The following AGBL1 variants were observed in gnomAD, a reference collection of about 807,000 sequenced individuals.
AGBL1 encodes the protein cytosolic carboxypeptidase 4.
A neutral mutation model predicts 118.9 loss-of-function variants in AGBL1; 130 were observed. The ratio of observed to expected loss-of-function variants is 1.09; its 90% confidence interval spans 0.95 to 1.26. The LOEUF (loss-of-function observed/expected upper bound fraction) is 1.26. Among genes scored for constraint, AGBL1 ranks in the 50% most tolerant of loss-of-function variants. The pLI is 0.00. For synonymous variants in AGBL1, 555 were observed against 478.9 expected, an observed-to-expected ratio of 1.16 and a Z score of -2.08; for missense variants, 1,584 against 1,298.1, an observed-to-expected ratio of 1.22 and a Z score of -3.38.
At chr15:86,518,211 T>C (rs2083145476) in intron 18 of AGBL1, among the ~76,000 whole-genome samples, 1 of 152,038 alleles carries the variant, frequency 6.6e-6, no homozygotes, top group Non-Finnish European at 1.5e-5. Flanking sequence ...TCTCTGCTTG[T>C]GGTCCTTTCT....
At chr15:86,112,516 G>A (rs8025746) in intron 1 of AGBL1, among the ~76,000 whole-genome samples, 21,320 of 152,156 alleles carry the variant, frequency 0.14, 1,661 homozygotes, top group East Asian at 0.23. Context: ...GACATTTAGA[G>A]TGTTTTCAAT....
intron 1 of AGBL1, among the ~76,000 whole-genome samples, chr15:86,104,398 C>A (rs753322647): frequency 3.2e-4 from 49 of 152,140 alleles, no homozygotes; most frequent in Non-Finnish European, 5.9e-4. Context: ...ATGCTTTCAC[C>A]CCAGTTGATG....
chr15:86,826,487 G>A (rs2079014287), intron 22 of AGBL1, among the ~76,000 whole-genome samples: 1 of 152,102 alleles, frequency 6.6e-6, no homozygotes, highest in Non-Finnish European at 1.5e-5. Context: ...CTTTCACTAA[G>A]TCAGTGGTCC....
At chr15:86,580,726 C>T (rs919737220) in intron 21 of AGBL1, among the ~76,000 whole-genome samples, 3 of 152,022 alleles carry the variant, frequency 2.0e-5, no homozygotes, top group East Asian at 1.9e-4. Context: ...ATAATCCTCT[C>T]TTACTGCTTT....
chr15:86,973,011 A>G (rs2081126720), intron 23 of AGBL1, among the ~76,000 whole-genome samples: 1 of 151,908 alleles, frequency 6.6e-6, no homozygotes, highest in Non-Finnish European at 1.5e-5. Flanking sequence ...GACAAATTGG[A>G]TTTTTGCAAC....
downstream of AGBL1, among the ~76,000 whole-genome samples, chr15:86,916,401 A>T (rs2080423439): frequency 1.3e-5 from 2 of 152,036 alleles, no homozygotes; most frequent in Admixed American, 1.3e-4. Context: ...GTTCCTATTG[A>T]TGTCCTGGAC....
At chr15:86,784,272 G>T (rs867305766) in intron 22 of AGBL1, among the ~76,000 whole-genome samples, 1 of 152,152 alleles carries the variant, frequency 6.6e-6, no homozygotes. Flanking sequence ...TCCCCACAGA[G>T]GCAACCTACT....
chr15:86,248,564 A>G (rs1326317590), intron 7 of AGBL1, among the ~76,000 whole-genome samples: 1 of 152,162 alleles, frequency 6.6e-6, no homozygotes, highest in Non-Finnish European at 1.5e-5. Flanking sequence ...AACAAAACCT[A>G]GGTTGTTGTG....
chr15:86,519,541 C>T (rs2083160880), intron 18 of AGBL1, among the ~76,000 whole-genome samples: 1 of 152,204 alleles, frequency 6.6e-6, no homozygotes, highest in South Asian at 2.1e-4. Flanking sequence ...ATTCAGAGAT[C>T]AGAAGCAAAT....
chr15:86,541,862 C>T (rs77768212), intron 19 of AGBL1, among the ~76,000 whole-genome samples: 4,398 of 152,134 alleles, frequency 0.029, 205 homozygotes, highest in African/African-American at 0.099. Context: ...CAGCATGATC[C>T]TAGAAGATAA....
intron 23 of AGBL1, among the ~76,000 whole-genome samples, chr15:86,953,220 T>C (rs926276513): frequency 1.3e-5 from 2 of 152,196 alleles, no homozygotes; most frequent in East Asian, 1.9e-4. Flanking sequence ...GGTAGTGTGA[T>C]AGGAACAGTG....
At position 86,944,905 on chromosome 15, in the gene AGBL1, T is replaced by TA. The variant is rs551538967; in HGVS notation, c.3222-43081dup. On this transcript the variant is annotated intron_variant, in intron 23 of 24. Transcript: ENST00000441037. The stretch of plus-strand genomic sequence containing the variant: ...GGGAAAAGGGTTTTCTCTAAATACT[T>TA]ACAGTAGGACAACGGCTGTAAACTG... Among the ~76,000 whole-genome samples, 61 of 152,306 alleles carry TA rather than the reference T, an allele frequency of 4.0e-4. No homozygotes were observed. In the East Asian group the frequency reaches 0.011, roughly 27 times the overall value.
intron 24 of AGBL1, among the ~76,000 whole-genome samples, chr15:86,995,858 T>C (rs962252892): frequency 6.6e-6 from 1 of 152,206 alleles, no homozygotes; most frequent in African/African-American, 2.4e-5. Flanking sequence ...TCTGCATTGA[T>C]CAGTCTTTGC....
At chr15:86,291,133 A>G (rs959253899) in intron 16 of AGBL1, among the ~76,000 whole-genome samples, 4 of 152,076 alleles carry the variant, frequency 2.6e-5, no homozygotes, top group African/African-American at 9.7e-5. Flanking sequence ...CCAAGTCCTT[A>G]TTTTCAATAA....
intron 17 of AGBL1, among the ~76,000 whole-genome samples, chr15:86,392,737 A>G (rs537350209): frequency 6.6e-6 from 1 of 152,324 alleles, no homozygotes; most frequent in African/African-American, 2.4e-5. Flanking sequence ...AGATGTCATT[A>G]CCACTATAAA....
At chr15:86,692,331 C>A (rs1330208326) in intron 22 of AGBL1, among the ~76,000 whole-genome samples, 1 of 152,048 alleles carries the variant, frequency 6.6e-6, no homozygotes, top group African/African-American at 2.4e-5. Flanking sequence ...CTTTACAAAG[C>A]AAGATCAGGG....
rs749462151 is a variant in AGBL1 at position 86,264,450 on chromosome 15, C to G, written c.1279C>G (p.His427Asp). ...CRVKTGRSTV[H>D]LGSKKNPGVN... is the part of the protein sequence containing the mutation. ...GGTGAAGACGGGAAGGTCCACTGTGCATCTAGGCTCCAAAAAAAATCCTGG... is the reference window on the plus strand; with the variant it reads ...GGTGAAGACGGGAAGGTCCACTGTGGATCTAGGCTCCAAAAAAAATCCTGG... The change falls in exon 11 of 23, where the codon CAT becomes GAT. Residue 427 changes from histidine (H) to aspartate (D), a missense_variant. By Grantham distance (81) the His-to-Asp change is moderately conservative. Coordinates refer to ENST00000614907, the MANE Select transcript of AGBL1 (RefSeq NM_001386094.1). 1 of 1,613,874 alleles carries G rather than the reference C, an allele frequency of 6.2e-7. No homozygotes were observed.
At chr15:86,390,077 A>G (rs2081253803) in intron 17 of AGBL1, among the ~76,000 whole-genome samples, 1 of 152,192 alleles carries the variant, frequency 6.6e-6, no homozygotes, top group South Asian at 2.1e-4. Context: ...AAAAATATAT[A>G]TTTTAAATAC....
rs547716037 is a variant in AGBL1, at chr15:87,025,602, A to G, written c.3324-3223A>G. On this transcript the variant is annotated intron_variant, in intron 24 of 24. Coordinates refer to the AGBL1 transcript ENST00000441037. ...AAGCGATCTACAAATTCAGAGCAATACCCATCAAAATACCACCATCATTCT... is the reference window on the plus strand; with the variant it reads ...AAGCGATCTACAAATTCAGAGCAATGCCCATCAAAATACCACCATCATTCT... Among the ~76,000 whole-genome samples the G allele has an allele frequency of 5.9e-5, 9 of 152,086 alleles. No homozygotes were observed. In the South Asian group the frequency reaches 8.3e-4, roughly 14 times the overall value.
Sources: allele counts gnomAD v4.1 joint callset (sites outside exome capture counted in the v4.1 genomes callset), GRCh38; gene constraint gnomAD v4.1.1; transcripts MANE v1.5; gene names NCBI Gene and HGNC (gene_info 2026-07-23, HGNC 2026-07-21).